TBC1D16: variants seen among roughly 807,000 people sequenced by gnomAD.
TBC1D16 encodes CTD-2529O21.1.
TBC1D16 carries 58 observed loss-of-function variants against 74.7 expected under a neutral mutation model. The observed-to-expected ratio is 0.78, with a 90% CI of 0.63 to 0.97. TBC1D16 has a LOEUF of 0.97. Ranked by LOEUF, TBC1D16 falls within the 50% of genes least tolerant of loss-of-function variation. The pLI, the probability that TBC1D16 is intolerant of heterozygous loss-of-function variation, is 0.00. For synonymous variants in TBC1D16, 493 were observed against 474.7 expected (o/e 1.04, Z -0.50); for missense variants, 1,014 against 1,079.5 (o/e 0.94, Z 0.85).
Position 79,954,549 on chromosome 17 carries a change from C to T in TBC1D16, c.780-1731G>A, listed in dbSNP as rs530284864. On this transcript the variant is annotated intron_variant, in intron 3 of 11. Coordinates refer to ENST00000310924, the MANE Select transcript of TBC1D16 (RefSeq NM_019020.4). This position sits in a 1 kb window ranked among gnomAD's most constrained non-coding sequence, Gnocchi z 5.5. ...GCCATCACCTGAACTGCCGTGGCTGCGCCGCGGACGGGCCCAGAAGACCGA... is the reference window on the plus strand; with the variant it reads ...GCCATCACCTGAACTGCCGTGGCTGTGCCGCGGACGGGCCCAGAAGACCGA... Among the ~76,000 whole-genome samples the T allele has an allele frequency of 1.4e-4, 22 of 152,322 alleles. No homozygotes were observed. The highest frequency in any genetic ancestry group is 5.0e-4 in the African/African-American group (21 of 41,586).
intron 2 of TBC1D16, among the ~76,000 whole-genome samples, 160 bp downstream of exon 2, chr17:80,013,207 C>T (rs2035955179): frequency 6.6e-6 from 1 of 152,222 alleles, no homozygotes; most frequent in African/African-American, 2.4e-5. Flanking sequence ...GACTTAACAC[C>T]CCCCAGACCC....
At chr17:79,974,846 T>C (rs759916984) in intron 3 of TBC1D16, among the ~76,000 whole-genome samples, 12 of 152,144 alleles carry the variant, frequency 7.9e-5, no homozygotes, top group Non-Finnish European at 1.2e-4. Flanking sequence ...CTTATGATGC[T>C]GAGGAGTTTG....
chr17:79,997,805 G>A (rs983812090), intron 3 of TBC1D16, among the ~76,000 whole-genome samples: 10 of 152,156 alleles, frequency 6.6e-5, no homozygotes, highest in Non-Finnish European at 1.2e-4. Context: ...AGTGGCAGGC[G>A]TCCATCATTG....
rs200450567 is a variant in TBC1D16, at chr17:80,023,657, G to GCCCCCC, written c.-62-10054_-62-10049dup. 1.2e-4 allele frequency among the ~76,000 whole-genome samples: 18 copies of GCCCCCC among 144,308 alleles called. 1 individual carries two copies. The highest frequency in any genetic ancestry group is 4.8e-4 in the African/African-American group (17 of 35,426). The allele number at this position is 144,308 out of a possible 152,430, so 94.7% of individuals were successfully genotyped here. On this transcript the variant is annotated intron_variant, in intron 1 of 11. Coordinates refer to ENST00000310924, the MANE Select transcript of TBC1D16 (RefSeq NM_019020.4). ...GGCCAGGAGCGAGAACTGCTGCCGG[G>GCCCCCC]CCCCCCCCCACCGGCTCAGGGCGTG...
chr17:79,977,544 C>T (rs1475664429), intron 3 of TBC1D16, among the ~76,000 whole-genome samples: 2 of 152,244 alleles, frequency 1.3e-5, no homozygotes, highest in African/African-American at 2.4e-5. Flanking sequence ...ATGGGGGTGA[C>T]GGAGGAGAGA....
Position 80,025,588 on chromosome 17 carries a change from T to TA in TBC1D16, c.-63+10206_-63+10207insT, listed in dbSNP as rs1473706090. On this transcript the variant is annotated intron_variant, in intron 1 of 11. Coordinates refer to ENST00000310924, the MANE Select transcript of TBC1D16 (RefSeq NM_019020.4). ...CCGCCTGCTGGGAGCAGCCGCCTGC[T>TA]GGGAGCACCTCCTTGCTGGAAGCAC... is the stretch of plus-strand genomic sequence containing the variant. Among the ~76,000 whole-genome samples, 222 of 149,288 alleles carry TA rather than the reference T, an allele frequency of 1.5e-3. 1 individual carries two copies. Among genetic ancestry groups the TA allele is most frequent in the Non-Finnish European group, 2.7e-3 (184 of 67,876 alleles).
intron 1 of TBC1D16, among the ~76,000 whole-genome samples, chr17:80,028,278 C>G (rs2036653574): frequency 6.6e-6 from 1 of 152,144 alleles, no homozygotes; most frequent in African/African-American, 2.4e-5. Flanking sequence ...CGCCTGTAAT[C>G]CCAGCACTCT....
At chr17:79,968,295 T>C (rs2033923952) in intron 3 of TBC1D16, among the ~76,000 whole-genome samples, 1 of 152,240 alleles carries the variant, frequency 6.6e-6, no homozygotes. Flanking sequence ...CATGAGCCGC[T>C]GCACCCAACC....
chr17:80,034,246 G>C lies in TBC1D16; in HGVS notation c.-63+1549C>G, dbSNP rs1598461287. 3.6e-5 allele frequency among the ~76,000 whole-genome samples: 5 copies of C among 137,948 alleles called. 1 individual carries two copies. In the Admixed American group the frequency reaches 4.1e-4, roughly 11 times the overall value. The allele number at this position is 137,948 out of a possible 152,430, so 90.5% of individuals were successfully genotyped here. ...ACATAGAATGTTGCTCTATCACCCG[G>C]GCTGGGGTGCAGTTGCACATCTTGG... On this transcript the variant is annotated intron_variant, in intron 1 of 11. Transcript: ENST00000310924.
chr17:79,943,875 G>A (rs2032265626), intron 10 of TBC1D16: 9 of 1,405,234 alleles, frequency 6.4e-6, no homozygotes, highest in East Asian at 2.6e-5. Flanking sequence ...AACGTGCAAT[G>A]AGGCACGATT....
Position 79,935,999 on chromosome 17 carries a change from T to A in TBC1D16, c.*4860A>T, listed in dbSNP as rs1364038501. On this transcript the variant is annotated 3_prime_UTR_variant, in exon 12 of 12. Transcript: ENST00000310924. ...AAAGGCCAGATGGCTGCAGGCTGTT[T>A]GCACCCCTGGCTCTGCCCAGGGACA... The A allele has an allele frequency of 6.6e-6, 1 of 152,194 alleles. No homozygotes were observed. Among genetic ancestry groups the A allele is most frequent in the Non-Finnish European group, 1.5e-5 (1 of 68,042 alleles). The allele number at this position is 152,194 out of a possible 1,614,324, so 9.4% of individuals were successfully genotyped here.
At chr17:79,957,783 T>C (rs988066620) in intron 3 of TBC1D16, among the ~76,000 whole-genome samples, 8 of 145,114 alleles carry the variant, frequency 5.5e-5, no homozygotes, top group African/African-American at 2.1e-4. Flanking sequence ...GGGGAGGGGG[T>C]GGATGAGAAT....
At chr17:79,974,055 G>A (rs2034229336) in intron 3 of TBC1D16, among the ~76,000 whole-genome samples, 1 of 152,310 alleles carries the variant, frequency 6.6e-6, no homozygotes, top group South Asian at 2.1e-4. Flanking sequence ...CTCTGGTGCT[G>A]TGGGGCCATT....
chr17:79,965,124 T>C (rs532882219), intron 3 of TBC1D16, among the ~76,000 whole-genome samples: 1 of 152,218 alleles, frequency 6.6e-6, no homozygotes, highest in Non-Finnish European at 1.5e-5. Context: ...TCGCCCAGGC[T>C]AGAGTACAGT....
intron 1 of TBC1D16, among the ~76,000 whole-genome samples, chr17:80,028,453 C>T (rs2036661804): frequency 6.6e-6 from 1 of 151,722 alleles, no homozygotes; most frequent in Non-Finnish European, 1.5e-5. Context: ...CGCTTGAACC[C>T]AGGAGGCAGA....
Position 79,983,345 on chromosome 17 carries a change from G to A in TBC1D16, c.779+26815C>T, listed in dbSNP as rs1421549859. On this transcript the variant is annotated intron_variant, in intron 3 of 11. Coordinates refer to ENST00000310924, the MANE Select transcript of TBC1D16 (RefSeq NM_019020.4). This position sits in a 1 kb window ranked among gnomAD's most constrained non-coding sequence, Gnocchi z 5.6. ...TAGGAGGTTGAGTGCACATTGCAGG[G>A]CCCAGGGGCCCCTCGGAGGGGCTCC... Among the ~76,000 whole-genome samples the A allele has an allele frequency of 1.3e-5, 2 of 152,206 alleles. No individual in the cohort carries two copies. Among genetic ancestry groups the A allele is most frequent in the African/African-American group, 2.4e-5 (1 of 41,454 alleles).
In TBC1D16 at chr17:80,010,747, G is replaced by A; in HGVS notation, c.192C>T (p.Cys64=). ...GLGEHHPGYL[C]LYMEKDEMLG... is the part of the protein sequence containing the mutation. ...GCATCTCATCCTTCTCCATGTACAA[G>A]CACAGGTAACCTGTGAGGAGCCAGG... The change falls in exon 3 of 12, where the codon TGC becomes TGT. Residue 64 remains cysteine, a synonymous_variant. Coordinates refer to ENST00000310924, the MANE Select transcript of TBC1D16 (RefSeq NM_019020.4). The surrounding 1 kb of genome is among the most constrained non-coding windows in gnomAD (Gnocchi z 8.8). 3 of 1,494,898 alleles carry A rather than the reference G, an allele frequency of 2.0e-6. No homozygotes were observed. The highest frequency in any genetic ancestry group is 2.7e-6 in the Non-Finnish European group (3 of 1,124,492). 92.6% of individuals were successfully genotyped at this position (1,494,898 alleles called of 1,614,324 possible).
rs73423959 is a variant in TBC1D16, at chr17:79,973,156, T to C, written c.780-20338A>G. On this transcript the variant is annotated intron_variant, in intron 3 of 11. Transcript: ENST00000310924. ...AGGGGAATACAACCCAATACCCCCGTTGGTGCCTGAAACCTTGGATAGTGC... is the reference window on the plus strand; with the variant it reads ...AGGGGAATACAACCCAATACCCCCGCTGGTGCCTGAAACCTTGGATAGTGC... Among the ~76,000 whole-genome samples, 260 of 152,388 alleles carry C rather than the reference T, an allele frequency of 1.7e-3. 1 individual carries two copies. The highest frequency in any genetic ancestry group is 6.0e-3 in the African/African-American group (248 of 41,598).
At position 79,941,968 on chromosome 17, in the gene TBC1D16, A is replaced by G. The variant is rs1219939860; in HGVS notation, c.2055+92T>C. 1.2e-5 allele frequency: 15 copies of G among 1,254,198 alleles called. No homozygotes were observed. Among genetic ancestry groups the G allele is most frequent in the African/African-American group, 1.8e-5 (1 of 56,158 alleles). 77.7% of individuals were successfully genotyped at this position (1,254,198 alleles called of 1,614,324 possible). ...ATGGGGCTCTGGGGGCGGGGCCCAC[A>G]TCTGGGGCAGCCTCACCTTTCTGAG... On this transcript the variant is annotated intron_variant, in intron 11 of 11. Transcript: ENST00000310924. The surrounding 1 kb of genome is among the most constrained non-coding windows in gnomAD (Gnocchi z 4.3).
Sources: gnomAD v4.1 joint callset for allele counts (sites outside exome capture counted in the v4.1 genomes callset) on GRCh38, gnomAD v4.1.1 for gene constraint, Gnocchi (gnomAD v3.1) non-coding constraint, MANE v1.5 for transcripts, NCBI Gene and HGNC (gene_info 2026-07-23, HGNC 2026-07-21) for gene names.